Variants in PDE7A observed in about 807,000 individuals in gnomAD.
The protein encoded by PDE7A is high affinity 3',5'-cyclic-AMP phosphodiesterase 7A.
PDE7A carries 39 observed loss-of-function variants against 64.3 expected under a neutral mutation model. The observed-to-expected ratio is 0.61, with a 90% CI of 0.47 to 0.79. The LOEUF is 0.79. PDE7A is among the 30% of genes least tolerant of loss of function. The pLI is 0.00. For synonymous variants in PDE7A, 203 were observed against 206.8 expected, an observed-to-expected ratio of 0.98 and a Z score of 0.16; for missense variants, 470 against 582.8, an observed-to-expected ratio of 0.81 and a Z score of 1.99.
rs1806650678 is a variant in PDE7A at position 65,727,287 on chromosome 8, T to A, written c.711A>T (p.Val237=). 6.2e-7 allele frequency: 1 copy of A among 1,612,652 alleles called. No individual in the cohort carries two copies. The highest frequency in any genetic ancestry group is 8.5e-7 in the Non-Finnish European group (1 of 1,178,822). The part of the protein sequence containing the change: ...YLKEPKLANS[V]TPWDILLSLI... Reference sequence around the variant, plus strand: ...AGCTCAGCAAGATATCCCAAGGAGTTACAGAATTGGCAAGCTGAAGTGTGA... The same window carrying A: ...AGCTCAGCAAGATATCCCAAGGAGTAACAGAATTGGCAAGCTGAAGTGTGA... Residue 237 remains valine (V), a synonymous_variant, in exon 8 of 13, where the codon GTA becomes GTT. Transcript: ENST00000401827.
At chr8:65,776,786 C>A (rs960867845) in intron 3 of PDE7A, among the ~76,000 whole-genome samples, 16 of 152,178 alleles carry the variant, frequency 1.1e-4, no homozygotes, top group Admixed American at 6.5e-5. Flanking sequence ...TTTCTAAGTA[C>A]ATAACTATGT....
At chr8:65,723,194 A>C (rs1274793276) in intron 12 of PDE7A, 1 of 156,648 alleles carries the variant, frequency 6.4e-6, no homozygotes, top group Non-Finnish European at 1.4e-5. Flanking sequence ...TTTTTATTTT[A>C]TTTATTTTAT....
intron 3 of PDE7A, among the ~76,000 whole-genome samples, chr8:65,772,406 C>T (rs1368040455): frequency 1.3e-5 from 2 of 152,206 alleles, no homozygotes; most frequent in Non-Finnish European, 2.9e-5. Flanking sequence ...GGTTTAAACA[C>T]ATCCTGCAAG....
chr8:65,811,556 T>A (rs1256038953), intron 1 of PDE7A, among the ~76,000 whole-genome samples: 1 of 152,234 alleles, frequency 6.6e-6, no homozygotes, highest in Non-Finnish European at 1.5e-5. Context: ...AGAGAATATA[T>A]TTGAAGGATA....
intron 5 of PDE7A, among the ~76,000 whole-genome samples, chr8:65,740,504 G>C (rs374573482): frequency 1.3e-5 from 2 of 152,008 alleles, no homozygotes; most frequent in African/African-American, 4.8e-5. Flanking sequence ...GAGTTCAAGC[G>C]ATTCTCCTGC....
At position 65,728,213 on chromosome 8, in the gene PDE7A, A is replaced by G. The variant is rs190582911; in HGVS notation, c.697-912T>C. ...TCTAACAGTGAAAATTTTTGAGCATACACCACTTATATTAAGTATATGTAC... is the reference window on the plus strand; with the variant it reads ...TCTAACAGTGAAAATTTTTGAGCATGCACCACTTATATTAAGTATATGTAC... On this transcript the variant is annotated intron_variant, in intron 7 of 12. Transcript: ENST00000401827. The G allele has an allele frequency of 2.0e-5, 3 of 152,366 alleles. No individual in the cohort carries two copies. In the East Asian group the frequency reaches 5.8e-4, roughly 29 times the overall value. The allele number at this position is 152,366 out of a possible 1,614,324, so 9.4% of individuals were successfully genotyped here.
At chr8:65,782,694 A>C in intron 2 of PDE7A, 89 bp downstream of exon 2, 1 of 698,290 alleles carries the variant, frequency 1.4e-6, no homozygotes, top group Admixed American at 2.8e-5. Context: ...CAGTGATGAA[A>C]AGCTATCTAA....
chr8:65,783,741 A>G lies in PDE7A; in HGVS notation c.139-898T>C, dbSNP rs1809478047. ...TAAAACAGGACCTATTATTTAGTTA[A>G]GTTCTAAATAAAAATTTGGTAAATA... On this transcript the variant is annotated intron_variant, in intron 1 of 12. Coordinates refer to ENST00000401827, the MANE Select transcript of PDE7A (RefSeq NM_001242318.3). Among the ~76,000 whole-genome samples, 7 of 151,324 alleles carry G rather than the reference A, an allele frequency of 4.6e-5. No homozygotes were observed. In the Admixed American group the frequency reaches 4.6e-4, roughly 10 times the overall value.
At chr8:65,827,886 G>A (rs1262678048) in intron 1 of PDE7A, among the ~76,000 whole-genome samples, 1 of 152,088 alleles carries the variant, frequency 6.6e-6, no homozygotes, top group Non-Finnish European at 1.5e-5. Flanking sequence ...TCATTGTTAA[G>A]CGACACATGA....
At chr8:65,767,969 G>A (rs961584844) in intron 3 of PDE7A, among the ~76,000 whole-genome samples, 4 of 152,130 alleles carry the variant, frequency 2.6e-5, no homozygotes, top group Admixed American at 6.5e-5. Context: ...CTGGGTTTTG[G>A]GGGCTGGGAG....
intron 5 of PDE7A, among the ~76,000 whole-genome samples, chr8:65,743,261 T>G (rs2128903968): frequency 6.6e-6 from 1 of 152,308 alleles, no homozygotes; most frequent in East Asian, 1.9e-4. Context: ...AAGAAGAAGG[T>G]GGGCCACTTG....
intron 1 of PDE7A, among the ~76,000 whole-genome samples, chr8:65,817,046 G>T (rs1161098915): frequency 6.6e-6 from 1 of 151,988 alleles, no homozygotes; most frequent in East Asian, 1.9e-4. Flanking sequence ...ATTTCTACTG[G>T]TCTGTTGTTC....
intron 3 of PDE7A, among the ~76,000 whole-genome samples, chr8:65,773,160 C>T (rs1809161016): frequency 6.6e-6 from 1 of 152,148 alleles, no homozygotes. Flanking sequence ...GTGCTCATTT[C>T]TCTGATTAGA....
intron 3 of PDE7A, among the ~76,000 whole-genome samples, chr8:65,773,351 C>T (rs1809166168): frequency 1.3e-5 from 2 of 152,106 alleles, no homozygotes; most frequent in South Asian, 4.1e-4. Context: ...AACTATAGGA[C>T]CAAGTCTATA....
At chr8:65,797,726 A>G (rs1196566739) in intron 1 of PDE7A, among the ~76,000 whole-genome samples, 4 of 152,216 alleles carry the variant, frequency 2.6e-5, no homozygotes, top group Non-Finnish European at 4.4e-5. Context: ...TGCCCAACAA[A>G]GGTACCAAAG....
chr8:65,731,066 G>T (rs549054601), intron 7 of PDE7A, among the ~76,000 whole-genome samples: 3 of 152,276 alleles, frequency 2.0e-5, no homozygotes, highest in Non-Finnish European at 2.9e-5. Flanking sequence ...TGTTTTAGGG[G>T]ACAGGTAAAT....
intron 3 of PDE7A, among the ~76,000 whole-genome samples, chr8:65,774,166 T>C (rs1347679946): frequency 2.0e-5 from 3 of 152,208 alleles, no homozygotes; most frequent in African/African-American, 4.8e-5. Flanking sequence ...TTCTGCTACG[T>C]TATTGCAGAA....
intron 6 of PDE7A, among the ~76,000 whole-genome samples, chr8:65,737,375 G>A (rs1341701436): frequency 2.0e-5 from 3 of 152,036 alleles, no homozygotes; most frequent in Non-Finnish European, 1.5e-5. Flanking sequence ...TGCCAGTATA[G>A]CTACTGGGGC....
chr8:65,761,082 C>T (rs574560027), intron 3 of PDE7A, among the ~76,000 whole-genome samples: 1 of 149,796 alleles, frequency 6.7e-6, no homozygotes, highest in South Asian at 2.1e-4. Flanking sequence ...TTTTTTTAGA[C>T]GGAGTCTCGC....
Sources: allele counts gnomAD v4.1 joint callset (sites outside exome capture counted in the v4.1 genomes callset), GRCh38; gene constraint gnomAD v4.1.1; transcripts MANE v1.5; gene names NCBI Gene and HGNC (gene_info 2026-07-23, HGNC 2026-07-21).